RELCH: variants seen among roughly 807,000 people sequenced by gnomAD.
RELCH encodes the protein RAB11 binding and LisH domain, coiled-coil and HEAT repeat containing, also known as RAB11-binding protein RELCH.
Under a neutral mutation model 150.3 loss-of-function variants are expected in RELCH, and 41 were observed. The ratio of observed to expected loss-of-function variants is 0.27; its 90% CI spans 0.21 to 0.35. The LOEUF (loss-of-function observed/expected upper bound fraction) is 0.35, where lower values mean the gene tolerates loss of function less well. Ranked by LOEUF, RELCH falls within the 10% of genes least tolerant of loss-of-function variation. The pLI, the probability that RELCH is intolerant of heterozygous loss-of-function variation, is 1.00. For synonymous variants in RELCH, 478 were observed against 531.8 expected (o/e 0.90, Z 1.39); for missense variants, 1,092 against 1,467.8 (o/e 0.74, Z 4.18).
In RELCH at chr18:62,278,786, T is replaced by C. The variant is rs193184628; in HGVS notation, c.2968-988T>C. ...TGTTCTCTTGTATTGCAATTTAGCA[T>C]TGGTTGCTAAATGAATTGTTTTGTG... On this transcript the variant is annotated intron_variant, in intron 22 of 28. Transcript: ENST00000644646. 2.9e-4 allele frequency among the ~76,000 whole-genome samples: 44 copies of C among 152,280 alleles called. No individual in the cohort carries two copies. In the East Asian group the frequency reaches 8.1e-3, roughly 28 times the overall value.
chr18:62,218,170 G>A (rs1179652317), intron 2 of RELCH, among the ~76,000 whole-genome samples: 3 of 151,710 alleles, frequency 2.0e-5, no homozygotes, highest in Non-Finnish European at 2.9e-5. Context: ...TATTAAAGAC[G>A]GGAAAGTGTT....
intron 20 of RELCH, among the ~76,000 whole-genome samples, chr18:62,272,093 T>G (rs1038189483): frequency 2.0e-5 from 3 of 152,170 alleles, no homozygotes; most frequent in African/African-American, 7.2e-5. Context: ...TCCTTTTAAA[T>G]TTTTCTTTTC....
rs778400842 is a variant in RELCH, at chr18:62,280,676, T to C, written c.3081T>C (p.Phe1027=). The C allele has an allele frequency of 6.2e-7, 1 of 1,611,510 alleles. No homozygotes were observed. Among genetic ancestry groups the C allele is most frequent in the Non-Finnish European group, 8.5e-7 (1 of 1,177,736 alleles). Residue 1027 remains phenylalanine, a synonymous_variant, in exon 24 of 29, where the codon TTT becomes TTC. Transcript: ENST00000644646. The part of the protein sequence containing the change: ...ISVRIATIPA[F]GTIMETVIQR... ...TCAGGATTGCCACAATTCCAGCCTTTGGCACTATTATGGAAACAGTAATTC... is the reference window on the plus strand; with the variant it reads ...TCAGGATTGCCACAATTCCAGCCTTCGGCACTATTATGGAAACAGTAATTC...
At chr18:62,277,762 A>G (rs1285589493) in intron 22 of RELCH, 5 of 836,462 alleles carry the variant, frequency 6.0e-6, no homozygotes, top group Non-Finnish European at 7.2e-6. Flanking sequence ...ATAAGGGAAT[A>G]TAAATTACTT....
intron 1 of RELCH, among the ~76,000 whole-genome samples, chr18:62,189,844 TAG>T (rs2038489755): frequency 6.6e-6 from 1 of 152,236 alleles, no homozygotes; most frequent in South Asian, 2.1e-4. Flanking sequence ...TTGAAATAAC[TAG>T]AGTCTTATGA....
intron 5 of RELCH, among the ~76,000 whole-genome samples, chr18:62,224,292 A>G (rs953926990): frequency 6.7e-6 from 1 of 150,208 alleles, no homozygotes; most frequent in East Asian, 2.0e-4. Context: ...TGCAAAGGAC[A>G]TGAACTCATC....
chr18:62,273,776 G>A (rs1304275599), intron 20 of RELCH, among the ~76,000 whole-genome samples: 4 of 152,020 alleles, frequency 2.6e-5, no homozygotes, highest in African/African-American at 9.7e-5. Context: ...TAGACCACAG[G>A]TCTAAATTAA....
chr18:62,284,035 A>G (rs984744465), intron 25 of RELCH, among the ~76,000 whole-genome samples: 63 of 152,330 alleles, frequency 4.1e-4, no homozygotes, highest in African/African-American at 1.4e-3. Context: ...TATATTCAAA[A>G]GAAAGACTCA....
intron 12 of RELCH, among the ~76,000 whole-genome samples, chr18:62,253,842 T>C (rs899399762): frequency 6.6e-6 from 1 of 152,198 alleles, no homozygotes; most frequent in African/African-American, 2.4e-5. Context: ...ATAACTTGGG[T>C]ACAATATATC....
chr18:62,213,836 C>T (rs1160219023), intron 2 of RELCH, among the ~76,000 whole-genome samples: 3 of 150,632 alleles, frequency 2.0e-5, no homozygotes, highest in Non-Finnish European at 4.4e-5. Flanking sequence ...GACCAAATTT[C>T]ACTGTGTACA....
intron 1 of RELCH, among the ~76,000 whole-genome samples, chr18:62,199,594 G>A (rs1343011041): frequency 1.3e-5 from 2 of 152,176 alleles, no homozygotes; most frequent in East Asian, 1.9e-4. Context: ...ATATTTTCTT[G>A]TGAAAATTAA....
intron 28 of RELCH, among the ~76,000 whole-genome samples, chr18:62,302,211 A>G (rs2045694991): frequency 6.6e-6 from 1 of 152,250 alleles, no homozygotes; most frequent in African/African-American, 2.4e-5. Flanking sequence ...ATAAAATACA[A>G]CAAAATGGAA....
In RELCH at chr18:62,306,716, A is replaced by G. The variant is rs1309669241; in HGVS notation, c.*1182A>G. 6.6e-6 allele frequency: 1 copy of G among 152,668 alleles called. No homozygotes were observed. Among genetic ancestry groups the G allele is most frequent in the South Asian group, 2.1e-4 (1 of 4,832 alleles). 9.5% of individuals were successfully genotyped at this position (152,668 alleles called of 1,614,324 possible). ...CTCGAAGTAGAAAAGAGTGCTGGAC[A>G]TAGGAAGGGGGTGCTTGGTTTGAGG... On this transcript the variant is annotated 3_prime_UTR_variant, in exon 29 of 29. Coordinates refer to ENST00000644646, the MANE Select transcript of RELCH (RefSeq NM_001346231.2).
chr18:62,213,509 C>T (rs1250710764), intron 2 of RELCH, among the ~76,000 whole-genome samples: 1 of 151,960 alleles, frequency 6.6e-6, no homozygotes, highest in Non-Finnish European at 1.5e-5. Flanking sequence ...GCGGGTCGAT[C>T]ACCTGAGGTC....
At chr18:62,188,780 A>G (rs900114425) in intron 1 of RELCH, among the ~76,000 whole-genome samples, 9 of 152,190 alleles carry the variant, frequency 5.9e-5, no homozygotes, top group African/African-American at 2.2e-4. Context: ...CGTTTACCCC[A>G]TATATTCGTA....
At chr18:62,262,649 T>C (rs2043333053) in intron 16 of RELCH, among the ~76,000 whole-genome samples, 1 of 152,026 alleles carries the variant, frequency 6.6e-6, no homozygotes. Flanking sequence ...TAGATAAGAC[T>C]TCATAAAGCT....
At chr18:62,261,182 A>G (rs1243065296) in intron 15 of RELCH, among the ~76,000 whole-genome samples, 1 of 151,986 alleles carries the variant, frequency 6.6e-6, no homozygotes, top group African/African-American at 2.4e-5. Flanking sequence ...TTATGTATCA[A>G]TTCTAACAAG....
chr18:62,195,544 A>G (rs1379174744), intron 1 of RELCH, among the ~76,000 whole-genome samples: 1 of 152,052 alleles, frequency 6.6e-6, no homozygotes, highest in Non-Finnish European at 1.5e-5. Context: ...ATGTAATGTG[A>G]TCAAGTGGAG....
At chr18:62,221,133 G>T (rs1412635589) in intron 3 of RELCH, 25 bp downstream of exon 3, 2 of 1,609,886 alleles carry the variant, frequency 1.2e-6, no homozygotes, top group African/African-American at 2.7e-5. Flanking sequence ...ACTTTTTTGA[G>T]ACTTTTCAAC....
Sources: gnomAD v4.1 joint callset for allele counts (sites outside exome capture counted in the v4.1 genomes callset) on GRCh38, gnomAD v4.1.1 for gene constraint, MANE v1.5 for transcripts, NCBI Gene and HGNC (gene_info 2026-07-23, HGNC 2026-07-21) for gene names.